CHTOP: variants seen among roughly 807,000 people sequenced by gnomAD.
CHTOP encodes the protein chromatin target of PRMT1.
Under a neutral mutation model 33.6 loss-of-function variants are expected in CHTOP, and 18 were observed. The ratio of observed to expected loss-of-function variants is 0.54; its 90% CI spans 0.37 to 0.80. The LOEUF (loss-of-function observed/expected upper bound fraction) is 0.80, where lower values mean the gene tolerates loss of function less well. Ranked by LOEUF, CHTOP falls within the 30% of genes least tolerant of loss-of-function variation. CHTOP has a pLI of 0.00. For missense variants in CHTOP, 263 were observed against 336.8 expected (o/e 0.78, Z 1.71); for synonymous variants, 117 against 127.7 (o/e 0.92, Z 0.56).
Position 153,645,260 on chromosome 1 carries a change from C to A in CHTOP, c.738C>A (p.Thr246=), listed in dbSNP as rs148846214. Reference sequence around the variant, plus strand: ...ACATGGCGCAGACAGATCCCGAAACCAATGATTGAAGCCTGCCCATCCTCC... The same window carrying A: ...ACATGGCGCAGACAGATCCCGAAACAAATGATTGAAGCCTGCCCATCCTCC... The part of the protein sequence containing the change: ...DAYMAQTDPE[T]ND Residue 246 remains threonine, a synonymous_variant, in exon 6 of 6, where the codon ACC becomes ACA. Transcript: ENST00000368694. 273 of 1,614,058 alleles carry A rather than the reference C, an allele frequency of 1.7e-4. No individual in the cohort carries two copies. Among genetic ancestry groups the A allele is most frequent in the Non-Finnish European group, 2.2e-4 (263 of 1,180,028 alleles).
At chr1:153,634,817 C>T (rs1557936024) in intron 1 of CHTOP, among the ~76,000 whole-genome samples, 2 of 150,348 alleles carry the variant, frequency 1.3e-5, no homozygotes, top group Admixed American at 6.6e-5. Context: ...ACTAGGCATG[C>T]ATATATATAT....
In CHTOP at chr1:153,634,169, C is replaced by G. The variant is rs1668209172; in HGVS notation, c.-192C>G. 1 of 152,824 alleles carries G rather than the reference C, an allele frequency of 6.5e-6. No homozygotes were observed. The highest frequency in any genetic ancestry group is 1.5e-5 in the Non-Finnish European group (1 of 68,134). The allele number at this position is 152,824 out of a possible 1,614,324, so 9.5% of individuals were successfully genotyped here. On this transcript the variant is annotated 5_prime_UTR_variant, in exon 1 of 6. Coordinates refer to ENST00000368694, the MANE Select transcript of CHTOP (RefSeq NM_015607.4). ...TGAGCAGACGGATCGGCCGACTAGA[C>G]AGCCAACCAGCAACAACGAACTGAG...
chr1:153,642,161 C>G, intron 3 of CHTOP, 85 bp from the exon 4 acceptor site: 1 of 1,182,234 alleles, frequency 8.5e-7, no homozygotes, highest in Non-Finnish European at 1.2e-6. Flanking sequence ...ATCTCACTTG[C>G]TTCTTTTTCT....
intron 3 of CHTOP, 59 bp from the exon 4 acceptor site, chr1:153,642,187 C>T: frequency 2.9e-5 from 42 of 1,473,150 alleles, no homozygotes; most frequent in Non-Finnish European, 3.9e-5. Flanking sequence ...CTTTGAGTTG[C>T]CAAATCCTGT....
intron 4 of CHTOP, chr1:153,642,991 T>C: frequency 1.9e-6 from 1 of 529,102 alleles, no homozygotes; most frequent in Admixed American, 3.3e-5. Context: ...ATTTATTAAA[T>C]GTATGTACTT....
intron 3 of CHTOP, chr1:153,639,432 G>A (rs758119605): frequency 6.1e-6 from 6 of 981,420 alleles, no homozygotes; most frequent in Non-Finnish European, 7.3e-6. Flanking sequence ...TGGGCGTCTG[G>A]AGGGCAGTGC....
chr1:153,640,725 C>T (rs895628108), intron 3 of CHTOP, among the ~76,000 whole-genome samples: 1 of 152,122 alleles, frequency 6.6e-6, no homozygotes, highest in African/African-American at 2.4e-5. Context: ...GAGCCAAGAT[C>T]GTGTCACTGC....
Position 153,634,856 on chromosome 1 carries a change from A to AT in CHTOP, c.-18+522dup, listed in dbSNP as rs146354266. Among the ~76,000 whole-genome samples, 183 of 100,124 alleles carry AT rather than the reference A, an allele frequency of 1.8e-3. 2 individuals carry two copies. Among genetic ancestry groups the AT allele is most frequent in the Non-Finnish European group, 2.3e-3 (122 of 52,636 alleles). The allele number at this position is 100,124 out of a possible 152,430, so 65.7% of individuals were successfully genotyped here. ...TATATATACATACATATATATATAT[A>AT]TTTTTTTTTGGGGGGGGACGGAGTT... On this transcript the variant is annotated intron_variant, in intron 1 of 5. Transcript: ENST00000368694.
chr1:153,639,754 G>GT (rs1261368183), intron 3 of CHTOP, among the ~76,000 whole-genome samples: 1 of 152,154 alleles, frequency 6.6e-6, no homozygotes, highest in Non-Finnish European at 1.5e-5. Context: ...ATCCAGAGTA[G>GT]TACTATTAAA....
At chr1:153,643,183 C>T (rs762837489) in intron 4 of CHTOP, 44 bp from the exon 5 acceptor site, 2 of 1,611,864 alleles carry the variant, frequency 1.2e-6, no homozygotes, top group South Asian at 2.2e-5. Flanking sequence ...TACTTTGTGT[C>T]TCTTGGATTT....
rs1668788641 is a variant in CHTOP, at chr1:153,645,535, C to T, written c.*266C>T. On this transcript the variant is annotated 3_prime_UTR_variant, in exon 6 of 6. Coordinates refer to ENST00000368694, the MANE Select transcript of CHTOP (RefSeq NM_015607.4). ...GGTTTCCCCTCCTTTGCCCAGACTT[C>T]TCTTTGAACACAAATGCATTAGCCT... The T allele has an allele frequency of 2.1e-6, 1 of 477,270 alleles. No homozygotes were observed. The highest frequency in any genetic ancestry group is 3.7e-6 in the Non-Finnish European group (1 of 266,946). 29.6% of individuals were successfully genotyped at this position (477,270 alleles called of 1,614,324 possible). A position where few individuals can be genotyped will look rare whatever the true frequency, so the allele number is the denominator to read the frequency against.
Position 153,635,082 on chromosome 1 carries a change from T to G in CHTOP, c.-18+739T>G, listed in dbSNP as rs1388507787. Among the ~76,000 whole-genome samples, 7 of 152,182 alleles carry G rather than the reference T, an allele frequency of 4.6e-5. 1 individual carries two copies. The highest frequency in any genetic ancestry group is 1.7e-4 in the African/African-American group (7 of 41,542). On this transcript the variant is annotated intron_variant, in intron 1 of 5. Coordinates refer to ENST00000368694, the MANE Select transcript of CHTOP (RefSeq NM_015607.4). Reference sequence around the variant, plus strand: ...TCAAGCTGGTCTCGAACTCCCAACCTCAGGTGATCCGCCCGCCTCGGCCTC... The same window carrying G: ...TCAAGCTGGTCTCGAACTCCCAACCGCAGGTGATCCGCCCGCCTCGGCCTC...
At position 153,645,307 on chromosome 1, in the gene CHTOP, A is replaced by G; in HGVS notation, c.*38A>G. ...CTCCCATGAGAGACTCTTGTTAGTC[A>G]ACACATCTGTAAATAACCTTGAGAT... On this transcript the variant is annotated 3_prime_UTR_variant, in exon 6 of 6. Transcript: ENST00000368694. The G allele has an allele frequency of 1.3e-6, 2 of 1,590,348 alleles. No homozygotes were observed.
Position 153,645,405 on chromosome 1 carries a change from C to A in CHTOP, c.*136C>A. 1 of 735,208 alleles carries A rather than the reference C, an allele frequency of 1.4e-6. No individual in the cohort carries two copies. Among genetic ancestry groups the A allele is most frequent in the Non-Finnish European group, 2.2e-6 (1 of 464,250 alleles). 45.5% of individuals were successfully genotyped at this position (735,208 alleles called of 1,614,324 possible). On this transcript the variant is annotated 3_prime_UTR_variant, in exon 6 of 6. Coordinates refer to ENST00000368694, the MANE Select transcript of CHTOP (RefSeq NM_015607.4). ...AGGCTGTGGACTTACTTGCCACCAGCTTGTGCATTTAGTGTGTTCCTTTTA... is the reference window on the plus strand; with the variant it reads ...AGGCTGTGGACTTACTTGCCACCAGATTGTGCATTTAGTGTGTTCCTTTTA...
In CHTOP at chr1:153,638,592, G is replaced by C. The variant is rs1009016447; in HGVS notation, c.219+144G>C. On this transcript the variant is annotated intron_variant, in intron 3 of 5. Coordinates refer to ENST00000368694, the MANE Select transcript of CHTOP (RefSeq NM_015607.4). ...TCTCTGGAAGAAAGAGAAGTTCAGA[G>C]AATTCCAATTTTGGCAGGTACCAAT... The C allele has an allele frequency of 4.2e-6, 4 of 951,610 alleles. No individual in the cohort carries two copies. In the East Asian group the frequency reaches 1.1e-4, roughly 25 times the overall value. The allele number at this position is 951,610 out of a possible 1,614,324, so 58.9% of individuals were successfully genotyped here. A position where few individuals can be genotyped will look rare whatever the true frequency, so the allele number is the denominator to read the frequency against.
intron 2 of CHTOP, 83 bp from the exon 3 acceptor site, chr1:153,638,212 C>T: frequency 1.4e-6 from 2 of 1,481,336 alleles, no homozygotes; most frequent in African/African-American, 1.4e-5. Flanking sequence ...ATCTGGAGCT[C>T]CTGGTCTAGC....
At chr1:153,641,870 T>C (rs1273156253) in intron 3 of CHTOP, among the ~76,000 whole-genome samples, 1 of 152,242 alleles carries the variant, frequency 6.6e-6, no homozygotes, top group Non-Finnish European at 1.5e-5. Context: ...TCAAGTCATA[T>C]AATTGTCAAC....
chr1:153,636,554 A>C lies in CHTOP; in HGVS notation c.-17-18A>C. ...GTCACTATTGTGATTTGCTCATTTT[A>C]CGTATTGTTCTTTGTAGATTCTCGG... On this transcript the variant is annotated intron_variant, in intron 1 of 5. Coordinates refer to ENST00000368694, the MANE Select transcript of CHTOP (RefSeq NM_015607.4). 6.3e-7 allele frequency: 1 copy of C among 1,596,764 alleles called. No individual in the cohort carries two copies. The highest frequency in any genetic ancestry group is 1.1e-5 in the South Asian group (1 of 90,400).
At chr1:153,638,570 C>A (rs1000426770) in intron 3 of CHTOP, 122 bp downstream of exon 3, 2 of 1,144,772 alleles carry the variant, frequency 1.7e-6, no homozygotes, top group Non-Finnish European at 2.6e-6. Flanking sequence ...TGAAACTTCT[C>A]TGGAAGAAAG....
Sources: gnomAD v4.1 joint callset for allele counts (sites outside exome capture counted in the v4.1 genomes callset) on GRCh38, gnomAD v4.1.1 for gene constraint, MANE v1.5 for transcripts, NCBI Gene and HGNC (gene_info 2026-07-23, HGNC 2026-07-21) for gene names.